SHB: variants seen among roughly 807,000 people sequenced by gnomAD.
SHB encodes the protein SH2 domain-containing adapter protein B.
Under a neutral mutation model 52.3 loss-of-function variants are expected in SHB, and 20 were observed. That is an observed-to-expected ratio of 0.38 (90% CI 0.27 to 0.56). The LOEUF is 0.56. SHB is among the 20% of genes least tolerant of loss of function. The pLI, the probability that SHB is intolerant of heterozygous loss-of-function variation, is 0.71. For missense variants in SHB, 825 were observed against 723.3 expected, an observed-to-expected ratio of 1.14 and a Z score of -1.61; for synonymous variants, 397 against 316.5, an observed-to-expected ratio of 1.25 and a Z score of -2.70.
intron 5 of SHB, among the ~76,000 whole-genome samples, chr9:37,931,342 A>G (rs1483734301): frequency 3.3e-5 from 5 of 152,256 alleles, no homozygotes; most frequent in African/African-American, 9.6e-5. Flanking sequence ...CATGCATCTG[A>G]TAAAGGGTTA....
chr9:37,971,302 T>C (rs891930060), intron 3 of SHB, among the ~76,000 whole-genome samples: 1 of 152,194 alleles, frequency 6.6e-6, no homozygotes, highest in Non-Finnish European at 1.5e-5. Flanking sequence ...GAAGCTGCAC[T>C]TCTGGTTTTA....
At chr9:38,059,301 C>A (rs771461625) in intron 1 of SHB, among the ~76,000 whole-genome samples, 23 of 146,686 alleles carry the variant, frequency 1.6e-4, no homozygotes, top group Admixed American at 2.8e-4. Flanking sequence ...CCTTTCTGAC[C>A]AGGAGTATTA....
chr9:37,950,685 T>C (rs1832556079), intron 4 of SHB, among the ~76,000 whole-genome samples: 1 of 152,134 alleles, frequency 6.6e-6, no homozygotes, highest in South Asian at 2.1e-4. Flanking sequence ...GGCAAGCCAC[T>C]GACCAGGCGG....
At chr9:37,940,302 T>TA (rs1002895444) in intron 5 of SHB, among the ~76,000 whole-genome samples, 1 of 152,210 alleles carries the variant, frequency 6.6e-6, no homozygotes, top group Admixed American at 6.5e-5. Flanking sequence ...TAAAGGGAAA[T>TA]GTCATCTAAT....
At chr9:38,062,882 A>C (rs1479914558) in intron 1 of SHB, among the ~76,000 whole-genome samples, 1 of 152,242 alleles carries the variant, frequency 6.6e-6, no homozygotes, top group Non-Finnish European at 1.5e-5. Flanking sequence ...CTTTCAAGCT[A>C]CAGTGGCAGA....
intron 3 of SHB, among the ~76,000 whole-genome samples, chr9:37,956,757 C>T (rs1221712629): frequency 6.6e-6 from 1 of 152,210 alleles, no homozygotes; most frequent in Non-Finnish European, 1.5e-5. Flanking sequence ...TGAGCTAAAA[C>T]TGGAGTTGCC....
In SHB at chr9:37,919,750, C is replaced by T; in HGVS notation, c.*71G>A. On this transcript the variant is annotated 3_prime_UTR_variant, in exon 6 of 6. Coordinates refer to ENST00000377707, the MANE Select transcript of SHB (RefSeq NM_003028.3). ...GACACAGCCAGCAACAGTGGCTGGG[C>T]TGGTTGGTGGGGGGCCTCTGGCACC... is the stretch of plus-strand genomic sequence containing the variant. The T allele has an allele frequency of 8.1e-7, 1 of 1,228,222 alleles. No homozygotes were observed. The highest frequency in any genetic ancestry group is 1.2e-6 in the Non-Finnish European group (1 of 843,744). 76.1% of individuals were successfully genotyped at this position (1,228,222 alleles called of 1,614,324 possible).
intron 1 of SHB, among the ~76,000 whole-genome samples, chr9:38,016,852 G>A (rs1224229865): frequency 1.3e-5 from 2 of 152,170 alleles, no homozygotes; most frequent in African/African-American, 4.8e-5. Flanking sequence ...GCCTCCCAGG[G>A]CCCTGCCTGA....
chr9:37,937,099 A>G (rs568035632), intron 5 of SHB, among the ~76,000 whole-genome samples: 1 of 152,270 alleles, frequency 6.6e-6, no homozygotes, highest in South Asian at 2.1e-4. Context: ...GTCTTCTGCC[A>G]CACCTCTGTA....
At chr9:37,990,888 T>A (rs986839416) in intron 2 of SHB, among the ~76,000 whole-genome samples, 3 of 152,160 alleles carry the variant, frequency 2.0e-5, no homozygotes, top group South Asian at 4.1e-4. Flanking sequence ...AGGATAGAAT[T>A]AATGTAGAAA....
At chr9:38,018,092 T>C (rs1043403384) in intron 1 of SHB, among the ~76,000 whole-genome samples, 2 of 151,912 alleles carry the variant, frequency 1.3e-5, no homozygotes, top group Admixed American at 6.6e-5. Context: ...GCTCCATCTA[T>C]TTTGCAATAA....
rs1822011740 is a variant in SHB at position 38,068,650 on chromosome 9, A to G, written c.-5T>C. 1 of 1,418,828 alleles carries G rather than the reference A, an allele frequency of 7.0e-7. No homozygotes were observed. 87.9% of individuals were successfully genotyped at this position (1,418,828 alleles called of 1,614,324 possible). Reference sequence around the variant, plus strand: ...CTTGTTTAGCCACTTGGCCATGGCGAGAGGCCGCCTAGGGCCGCGGCGCGG... The same window carrying G: ...CTTGTTTAGCCACTTGGCCATGGCGGGAGGCCGCCTAGGGCCGCGGCGCGG... On this transcript the variant is annotated 5_prime_UTR_variant, in exon 1 of 6. Coordinates refer to ENST00000377707, the MANE Select transcript of SHB (RefSeq NM_003028.3).
At chr9:38,004,305 G>A (rs1024611753) in intron 2 of SHB, among the ~76,000 whole-genome samples, 1 of 152,164 alleles carries the variant, frequency 6.6e-6, no homozygotes, top group African/African-American at 2.4e-5. Context: ...AGGCACCTGG[G>A]GAAAGCAGCA....
At chr9:37,948,793 T>C in intron 4 of SHB, 39 bp from the exon 5 acceptor site, 2 of 1,611,352 alleles carry the variant, frequency 1.2e-6, no homozygotes, top group South Asian at 2.2e-5. Flanking sequence ...CCCAGCGCGA[T>C]GGGATTCCCA....
chr9:38,032,024 A>ACTT (rs1821422122), intron 1 of SHB, among the ~76,000 whole-genome samples: 1 of 151,978 alleles, frequency 6.6e-6, no homozygotes, highest in Non-Finnish European at 1.5e-5. Flanking sequence ...ACCGGGCAGG[A>ACTT]CTCATGGGGG....
At chr9:38,003,240 T>A (rs929979555) in intron 2 of SHB, among the ~76,000 whole-genome samples, 1 of 151,724 alleles carries the variant, frequency 6.6e-6, no homozygotes, top group South Asian at 2.1e-4. Flanking sequence ...CCCAGGTGGG[T>A]GCTTTTCACA....
At chr9:38,039,252 C>CAAAAAA (rs1821536434) in intron 1 of SHB, among the ~76,000 whole-genome samples, 2 of 152,210 alleles carry the variant, frequency 1.3e-5, no homozygotes, top group Non-Finnish European at 2.9e-5. Flanking sequence ...AAACAAAAAA[C>CAAAAAA]CACTTTTCTG....
At chr9:38,020,999 T>G (rs949977024) in intron 1 of SHB, among the ~76,000 whole-genome samples, 1 of 152,174 alleles carries the variant, frequency 6.6e-6, no homozygotes, top group Non-Finnish European at 1.5e-5. Flanking sequence ...ACTGCAGAAA[T>G]GCAAAGGGAA....
rs146047883 is a variant in SHB at position 38,063,638 on chromosome 9, T to C, written c.717+4291A>G. On this transcript the variant is annotated intron_variant, in intron 1 of 5. Coordinates refer to ENST00000377707, the MANE Select transcript of SHB (RefSeq NM_003028.3). ...ACTTCTGGCATTCCTCGGGTTGTGA[T>C]ATTGTCTCTCTGGTTGTATCTGTCT... is the stretch of plus-strand genomic sequence containing the variant. Among the ~76,000 whole-genome samples, 14 of 152,338 alleles carry C rather than the reference T, an allele frequency of 9.2e-5. No individual in the cohort carries two copies. In the East Asian group the frequency reaches 2.7e-3, roughly 29 times the overall value.
Sources: gnomAD v4.1 joint callset for allele counts (sites outside exome capture counted in the v4.1 genomes callset) on GRCh38, gnomAD v4.1.1 for gene constraint, MANE v1.5 for transcripts, NCBI Gene and HGNC (gene_info 2026-07-23, HGNC 2026-07-21) for gene names.